The following CSMD1 variants were observed in gnomAD, a reference collection of about 807,000 sequenced individuals.
The protein encoded by CSMD1 is CUB and sushi domain-containing protein 1.
In CSMD1, 213 loss-of-function variants were observed where a neutral mutation model predicts 417.5. The ratio of observed to expected loss-of-function variants is 0.51; its 90% CI spans 0.46 to 0.57. The LOEUF is 0.57. Among genes scored for constraint, CSMD1 ranks in the 20% least tolerant of loss-of-function variants. CSMD1 has a pLI of 0.00. For missense variants in CSMD1, 6,923 were observed against 4,529.7 expected (o/e 1.53, Z -15.17); for synonymous variants, 2,862 against 1,736.8 (o/e 1.65, Z -16.11).
chr8:4,236,088 G>C (rs185682332), intron 3 of CSMD1, among the ~76,000 whole-genome samples: 4 of 123,170 alleles, frequency 3.2e-5, no homozygotes, highest in African/African-American at 1.4e-4. Flanking sequence ...ATTTTTTCCA[G>C]GTTTCCTGTA....
At chr8:3,671,411 A>G (rs1162873716) in intron 7 of CSMD1, among the ~76,000 whole-genome samples, 1 of 147,220 alleles carries the variant, frequency 6.8e-6, no homozygotes, top group Non-Finnish European at 1.5e-5. Flanking sequence ...TCTTAAATAC[A>G]TCCTAACAGT....
At chr8:4,943,831 C>G (rs1406829259) in intron 1 of CSMD1, among the ~76,000 whole-genome samples, 1 of 152,110 alleles carries the variant, frequency 6.6e-6, no homozygotes, top group African/African-American at 2.4e-5. Context: ...CATCATTATT[C>G]AGAACAAATC....
intron 3 of CSMD1, among the ~76,000 whole-genome samples, chr8:4,314,529 C>T (rs1585214435): frequency 6.6e-6 from 1 of 152,224 alleles, no homozygotes; most frequent in South Asian, 2.1e-4. Flanking sequence ...TGGGATTTCT[C>T]CCGAAATACT....
At chr8:4,089,337 A>G (rs186334877) in intron 3 of CSMD1, among the ~76,000 whole-genome samples, 17 of 152,324 alleles carry the variant, frequency 1.1e-4, no homozygotes, top group African/African-American at 4.1e-4. Flanking sequence ...AGAGCTCGGT[A>G]TGGGGGAAAG....
intron 3 of CSMD1, among the ~76,000 whole-genome samples, chr8:4,308,108 G>A (rs1370163447): frequency 1.3e-5 from 2 of 152,174 alleles, no homozygotes; most frequent in Non-Finnish European, 2.9e-5. Flanking sequence ...AAGTGGAGAG[G>A]GTGGCAAAGC....
chr8:4,244,128 C>A (rs766746123), intron 3 of CSMD1, among the ~76,000 whole-genome samples: 3 of 152,124 alleles, frequency 2.0e-5, no homozygotes, highest in Non-Finnish European at 2.9e-5. Flanking sequence ...GGATGAGTTT[C>A]GCGCAGCACA....
At chr8:4,267,684 C>T (rs975787335) in intron 3 of CSMD1, among the ~76,000 whole-genome samples, 1 of 152,024 alleles carries the variant, frequency 6.6e-6, no homozygotes, top group South Asian at 2.1e-4. Context: ...TTCACTCCCT[C>T]CTTAGTGTCT....
At chr8:4,242,931 G>T (rs760222465) in intron 3 of CSMD1, among the ~76,000 whole-genome samples, 2 of 152,142 alleles carry the variant, frequency 1.3e-5, no homozygotes, top group Non-Finnish European at 2.9e-5. Flanking sequence ...CAGAAAAAAA[G>T]ATCAATATAT....
intron 54 of CSMD1, among the ~76,000 whole-genome samples, chr8:2,981,841 C>A (rs1305314960): frequency 6.6e-6 from 1 of 152,162 alleles, no homozygotes; most frequent in Non-Finnish European, 1.5e-5. Context: ...AGAATCAGGA[C>A]TCCTGAACAC....
At chr8:3,983,855 ACT>A (rs1814098659) in intron 5 of CSMD1, among the ~76,000 whole-genome samples, 2 of 150,782 alleles carry the variant, frequency 1.3e-5, no homozygotes, top group Admixed American at 1.3e-4. Flanking sequence ...GTCAATTGCA[ACT>A]CTAGAGCACA....
chr8:4,960,409 C>T (rs1809400499), intron 1 of CSMD1, among the ~76,000 whole-genome samples: 1 of 152,190 alleles, frequency 6.6e-6, no homozygotes, highest in African/African-American at 2.4e-5. Flanking sequence ...ACCGATCTCA[C>T]TCTTCTTTCC....
At chr8:4,778,887 A>C (rs942992249) in intron 1 of CSMD1, among the ~76,000 whole-genome samples, 8 of 152,234 alleles carry the variant, frequency 5.3e-5, no homozygotes, top group African/African-American at 1.9e-4. Context: ...TTAGGACAAA[A>C]GAATAAATGA....
intron 12 of CSMD1, among the ~76,000 whole-genome samples, chr8:3,412,605 C>T (rs1275644355): frequency 6.6e-6 from 1 of 152,132 alleles, no homozygotes; most frequent in Non-Finnish European, 1.5e-5. Context: ...ACACAAAATG[C>T]AGATATTTGG....
At chr8:3,161,094 A>T (rs1819862382) in intron 38 of CSMD1, among the ~76,000 whole-genome samples, 1 of 152,216 alleles carries the variant, frequency 6.6e-6, no homozygotes, top group South Asian at 2.1e-4. Flanking sequence ...AAGAGCTGGA[A>T]TGTCAATCGA....
chr8:3,354,009 A>G (rs953232940), intron 21 of CSMD1, among the ~76,000 whole-genome samples: 1 of 152,204 alleles, frequency 6.6e-6, no homozygotes, highest in Non-Finnish European at 1.5e-5. Flanking sequence ...TGGCCTCAAC[A>G]ACAGACAGAC....
chr8:4,750,019 T>A (rs868615641), intron 1 of CSMD1, among the ~76,000 whole-genome samples: 11 of 151,988 alleles, frequency 7.2e-5, no homozygotes, highest in African/African-American at 2.7e-4. Context: ...TTATTATTAT[T>A]TTTTTGAGAT....
chr8:4,347,705 T>C (rs1800853572), intron 3 of CSMD1, among the ~76,000 whole-genome samples: 5 of 152,170 alleles, frequency 3.3e-5, no homozygotes, highest in Non-Finnish European at 7.4e-5. Flanking sequence ...ACATCCCTTC[T>C]ATCTCCTGTA....
intron 26 of CSMD1, among the ~76,000 whole-genome samples, chr8:3,247,353 T>A (rs547663634): frequency 7.6e-4 from 115 of 152,252 alleles, no homozygotes; most frequent in African/African-American, 2.6e-3. Context: ...CCTCCCCGCC[T>A]GCTTGCTCCT....
chr8:3,883,466 G>T (rs1046599391), intron 5 of CSMD1, among the ~76,000 whole-genome samples: 3 of 152,074 alleles, frequency 2.0e-5, no homozygotes, highest in African/African-American at 7.2e-5. Flanking sequence ...GTATAAGTGT[G>T]TATATATGTA....
Sources: allele counts gnomAD v4.1 joint callset (sites outside exome capture counted in the v4.1 genomes callset), GRCh38; gene constraint gnomAD v4.1.1; transcripts MANE v1.5; gene names NCBI Gene and HGNC (gene_info 2026-07-23, HGNC 2026-07-21).